The following GPHN variants were observed in gnomAD, a reference collection of about 807,000 sequenced individuals.
GPHN encodes the protein gephyrin.
GPHN carries 17 observed loss-of-function variants against 95.5 expected under a neutral mutation model. That is an observed-to-expected ratio of 0.18 (90% CI 0.12 to 0.27). The LOEUF is 0.27. Among genes scored for constraint, GPHN ranks in the 10% least tolerant of loss-of-function variants. GPHN has a pLI of 1.00. For synonymous variants in GPHN, 320 were observed against 322.5 expected (o/e 0.99, Z 0.08); for missense variants, 660 against 978.1 (o/e 0.67, Z 4.34).
intron 21 of GPHN, among the ~76,000 whole-genome samples, chr14:67,172,916 A>T (rs2082682227): frequency 6.6e-6 from 1 of 152,138 alleles, no homozygotes; most frequent in African/African-American, 2.4e-5. Context: ...CTAGGTTGCC[A>T]CTAAGCCCTA....
chr14:66,516,385 G>A (rs993678211), intron 1 of GPHN, among the ~76,000 whole-genome samples: 1 of 152,000 alleles, frequency 6.6e-6, no homozygotes, highest in Non-Finnish European at 1.5e-5. Context: ...TTTCCATAAC[G>A]TATATGCTTT....
intron 3 of GPHN, among the ~76,000 whole-genome samples, chr14:66,778,053 A>G (rs2059449530): frequency 6.6e-6 from 1 of 152,186 alleles, no homozygotes; most frequent in African/African-American, 2.4e-5. Context: ...TGCAGACGAC[A>G]TGATTGTATA....
chr14:66,979,869 C>T (rs1306268581), intron 9 of GPHN, among the ~76,000 whole-genome samples: 1 of 151,964 alleles, frequency 6.6e-6, no homozygotes, highest in Non-Finnish European at 1.5e-5. Context: ...TCTTAGAGGC[C>T]ACTGTAGGTT....
the GPHN span, chr14:67,650,638 C>G: frequency 1.5e-6 from 2 of 1,371,348 alleles, no homozygotes; most frequent in Non-Finnish European, 1.0e-6. Flanking sequence ...GGCTTGTTCT[C>G]CCTGTCCCAG....
the GPHN span, chr14:67,270,911 G>A: frequency 1.3e-5 from 2 of 152,292 alleles, no homozygotes; most frequent in African/African-American, 4.8e-5. Context: ...GGGAGGTCTT[G>A]AAGGTAGAAA....
At chr14:67,359,612 G>A in the GPHN span, 16 of 1,610,204 alleles carry the variant, frequency 9.9e-6, no homozygotes, top group Non-Finnish European at 1.4e-5. Context: ...ACCGCGCTCC[G>A]GGTTCCTAAA....
the GPHN span, chr14:67,338,683 C>CT: frequency 6.2e-7 from 1 of 1,614,076 alleles, no homozygotes; most frequent in Non-Finnish European, 8.5e-7. Context: ...TCCAACACCT[C>CT]TCCAGCTGCT....
chr14:67,695,558 G>A, the GPHN span: 281 of 1,465,454 alleles, frequency 1.9e-4, no homozygotes, highest in African/African-American at 3.6e-3. Context: ...AGAAAGCTTT[G>A]GTGGGGATTC....
At chr14:67,065,680 A>G (rs982360642) in intron 11 of GPHN, among the ~76,000 whole-genome samples, 9 of 151,236 alleles carry the variant, frequency 6.0e-5, no homozygotes, top group South Asian at 4.2e-4. Context: ...TTACCATTAT[A>G]TAATGGCCTT....
the GPHN span, among the ~76,000 whole-genome samples, chr14:67,430,211 C>T: frequency 6.6e-6 from 1 of 152,172 alleles, no homozygotes; most frequent in East Asian, 1.9e-4. Flanking sequence ...GCTTGGATGA[C>T]ATGGACCCAG....
the GPHN span, among the ~76,000 whole-genome samples, chr14:67,598,317 C>G: frequency 4.6e-5 from 7 of 151,968 alleles, no homozygotes; most frequent in South Asian, 2.1e-4. Context: ...ATGAGAGAGA[C>G]AAGTACAGAA....
At chr14:66,587,529 G>C (rs1942106605) in intron 1 of GPHN, among the ~76,000 whole-genome samples, 1 of 152,174 alleles carries the variant, frequency 6.6e-6, no homozygotes, top group South Asian at 2.1e-4. Flanking sequence ...CTGTTGTCAT[G>C]ATCAAGTTGG....
chr14:66,839,628 T>C (rs1596096425), intron 4 of GPHN, among the ~76,000 whole-genome samples: 2 of 152,326 alleles, frequency 1.3e-5, no homozygotes, highest in South Asian at 2.1e-4. Flanking sequence ...CTTATTATAA[T>C]GTGTCAATTG....
chr14:67,409,046 C>T, the GPHN span, among the ~76,000 whole-genome samples: 18 of 146,862 alleles, frequency 1.2e-4, no homozygotes, highest in African/African-American at 4.0e-4. Context: ...GAGACATTGT[C>T]GCTATAAAAA....
the GPHN span, among the ~76,000 whole-genome samples, chr14:67,558,549 G>C: frequency 8.3e-3 from 1,271 of 152,286 alleles, 25 homozygotes; most frequent in African/African-American, 0.029. Context: ...CATCTTGGGG[G>C]TTGGTGGACA....
chr14:66,597,178 G>A (rs1005266614), intron 1 of GPHN, among the ~76,000 whole-genome samples: 4 of 152,146 alleles, frequency 2.6e-5, no homozygotes, highest in Non-Finnish European at 4.4e-5. Context: ...TTGATGGCCC[G>A]AAGGCGAGAA....
chr14:67,692,817 G>A, the GPHN span: 1 of 894,294 alleles, frequency 1.1e-6, no homozygotes, highest in Non-Finnish European at 1.8e-6. Flanking sequence ...GCAAATCAGT[G>A]GAATCCTTAG....
At chr14:67,385,764 C>CT in the GPHN span, 1 of 151,328 alleles carries the variant, frequency 6.6e-6, no homozygotes, top group East Asian at 1.9e-4. Context: ...GAGTGTGAGC[C>CT]ACCATGCCCC....
At chr14:67,538,178 A>AT in the GPHN span, among the ~76,000 whole-genome samples, 6 of 151,988 alleles carry the variant, frequency 3.9e-5, no homozygotes, top group African/African-American at 9.7e-5. Context: ...TTCCCCATTT[A>AT]TTTTTTGCCA....
Sources: gnomAD v4.1 joint callset for allele counts (sites outside exome capture counted in the v4.1 genomes callset) on GRCh38, gnomAD v4.1.1 for gene constraint, MANE v1.5 for transcripts, NCBI Gene and HGNC (gene_info 2026-07-23, HGNC 2026-07-21) for gene names.